BMP7: variants seen among roughly 807,000 people sequenced by gnomAD.
BMP7 encodes the protein osteogenic protein 1.
Under a neutral mutation model 41.2 loss-of-function variants are expected in BMP7, and 12 were observed. The observed-to-expected ratio is 0.29, with a 90% CI of 0.19 to 0.47. BMP7 has a LOEUF of 0.47. Ranked by LOEUF, BMP7 falls within the 20% of genes least tolerant of loss-of-function variation. BMP7 has a pLI of 0.99. For synonymous variants in BMP7, 248 were observed against 250.0 expected (o/e 0.99, Z 0.07); for missense variants, 467 against 606.0 (o/e 0.77, Z 2.41).
At position 57,261,634 on chromosome 20, in the gene BMP7, AAAG is replaced by A. The variant is rs1266484886; in HGVS notation, c.418+4068_418+4070del. Among the ~76,000 whole-genome samples the A allele has an allele frequency of 2.0e-5, 3 of 152,338 alleles. No homozygotes were observed. Among genetic ancestry groups the A allele is most frequent in the South Asian group, 2.1e-4 (1 of 4,826 alleles). On this transcript the variant is annotated intron_variant, in intron 1 of 6. Transcript: ENST00000395863. This position sits in a 1 kb window ranked among gnomAD's most constrained non-coding sequence, Gnocchi z 4.1. ...TATAGCAAAGGCGCTCTGCAGAAAG[AAAG>A]AAGGGGGGAGCTGTGTGACATCTAT...
chr20:57,177,505 GC>G (rs1983957628), intron 4 of BMP7, among the ~76,000 whole-genome samples: 1 of 152,038 alleles, frequency 6.6e-6, no homozygotes, highest in East Asian at 1.9e-4. Flanking sequence ...TCATCACCAT[GC>G]CCAGCTAATT....
chr20:57,257,837 A>AC (rs951221862), intron 1 of BMP7, among the ~76,000 whole-genome samples: 12 of 152,082 alleles, frequency 7.9e-5, no homozygotes, highest in African/African-American at 2.9e-4. Flanking sequence ...AAAAAAAAAA[A>AC]AAAAAAAACT....
chr20:57,234,260 A>G (rs2066039675), intron 1 of BMP7, among the ~76,000 whole-genome samples: 1 of 152,038 alleles, frequency 6.6e-6, no homozygotes, highest in African/African-American at 2.4e-5. Flanking sequence ...TTTTATTTTT[A>G]TTGGAACCTG....
intron 1 of BMP7, among the ~76,000 whole-genome samples, chr20:57,263,981 C>T (rs911548366): frequency 1.2e-4 from 18 of 152,170 alleles, no homozygotes; most frequent in African/African-American, 4.1e-4. Context: ...ATGCAGCCCA[C>T]TCATCTGCAC....
intron 2 of BMP7, among the ~76,000 whole-genome samples, chr20:57,223,104 C>T (rs116556557): frequency 0.014 from 2,173 of 152,124 alleles, 43 homozygotes; most frequent in African/African-American, 0.05. Context: ...GTGGTACATA[C>T]TTGTAATCCC....
intron 1 of BMP7, among the ~76,000 whole-genome samples, chr20:57,264,476 G>T (rs767770097): frequency 6.6e-6 from 1 of 152,222 alleles, no homozygotes; most frequent in African/African-American, 2.4e-5. Flanking sequence ...GGCGCTGCCG[G>T]GGGGTTAGTT....
chr20:57,265,032 A>AG lies in BMP7; in HGVS notation c.418+672_418+673insC, dbSNP rs2066169659. 3.5e-5 allele frequency among the ~76,000 whole-genome samples: 3 copies of AG among 86,640 alleles called. No homozygotes were observed. In the South Asian group the frequency reaches 9.1e-4, roughly 26 times the overall value. 56.8% of individuals were successfully genotyped at this position (86,640 alleles called of 152,430 possible). On this transcript the variant is annotated intron_variant, in intron 1 of 6. Coordinates refer to ENST00000395863, the MANE Select transcript of BMP7 (RefSeq NM_001719.3). ...GGCGACAAGAGTGAAACTCCGTCTC[A>AG]AAAAAAAAAAAAAAGAAAAGAAAAG...
intron 3 of BMP7, among the ~76,000 whole-genome samples, chr20:57,193,083 G>A (rs1399954278): frequency 6.6e-6 from 1 of 152,072 alleles, no homozygotes; most frequent in African/African-American, 2.4e-5. Context: ...GTCTCTCTGT[G>A]GTGTGTTTTG....
At chr20:57,194,658 T>C (rs112969389) in intron 3 of BMP7, among the ~76,000 whole-genome samples, 3,891 of 152,256 alleles carry the variant, frequency 0.026, 86 homozygotes, top group Non-Finnish European at 0.038. Context: ...TCAACAAAAA[T>C]GAAAACCCAC....
At chr20:57,182,245 T>TGTGG (rs1450733623) in intron 4 of BMP7, among the ~76,000 whole-genome samples, 1 of 152,070 alleles carries the variant, frequency 6.6e-6, no homozygotes, top group African/African-American at 2.4e-5. Flanking sequence ...AGGCAAGGGG[T>TGTGG]GTGGGAGGGC....
Position 57,214,212 on chromosome 20 carries a change from G to A in BMP7, c.612-11589C>T, listed in dbSNP as rs141869037. ...CCCCAGAGCCTTGTTCCAGCAAAGT[G>A]TCACCCCTGCACGGTGATGGTTTGA... On this transcript the variant is annotated intron_variant, in intron 2 of 6. Coordinates refer to ENST00000395863, the MANE Select transcript of BMP7 (RefSeq NM_001719.3). This position sits in a 1 kb window ranked among gnomAD's most constrained non-coding sequence, Gnocchi z 4.0. 2.0e-5 allele frequency among the ~76,000 whole-genome samples: 3 copies of A among 152,234 alleles called. No homozygotes were observed. The East Asian group carries it at 5.8e-4, about 29-fold the overall frequency.
intron 1 of BMP7, among the ~76,000 whole-genome samples, chr20:57,262,761 T>C (rs1237231503): frequency 3.3e-5 from 5 of 152,082 alleles, no homozygotes; most frequent in South Asian, 2.1e-4. Flanking sequence ...TAAGAAGTAA[T>C]AGTTTGATAT....
chr20:57,245,386 C>T (rs1433233695), intron 1 of BMP7, among the ~76,000 whole-genome samples: 1 of 152,062 alleles, frequency 6.6e-6, no homozygotes, highest in Non-Finnish European at 1.5e-5. Flanking sequence ...CACTCTGTCA[C>T]TCCCAACTGG....
rs568568662 is a variant in BMP7, at chr20:57,204,332, A to G, written c.612-1709T>C. Among the ~76,000 whole-genome samples the G allele has an allele frequency of 3.2e-4, 49 of 151,946 alleles. 2 individuals are homozygous for G. The highest frequency in any genetic ancestry group is 1.0e-3 in the Admixed American group (16 of 15,254). Reference sequence around the variant, plus strand: ...TTTATCTTCCTGTCTGACCTGGACAACTCTAGGTTTGTGAGGTCTGCTAGA... The same window carrying G: ...TTTATCTTCCTGTCTGACCTGGACAGCTCTAGGTTTGTGAGGTCTGCTAGA... On this transcript the variant is annotated intron_variant, in intron 2 of 6. Transcript: ENST00000395863.
intron 3 of BMP7, among the ~76,000 whole-genome samples, chr20:57,197,302 G>A (rs930834465): frequency 4.6e-5 from 7 of 151,972 alleles, no homozygotes; most frequent in African/African-American, 1.7e-4. Context: ...CCTGCAAGAA[G>A]CCTACTGTCT....
chr20:57,235,475 CA>C (rs1370459607), intron 1 of BMP7, among the ~76,000 whole-genome samples: 1 of 152,108 alleles, frequency 6.6e-6, no homozygotes, highest in African/African-American at 2.4e-5. Context: ...GGTATGAGGC[CA>C]AAGGAGACAC....
At chr20:57,230,923 T>C (rs463386) in intron 1 of BMP7, among the ~76,000 whole-genome samples, 87,420 of 151,640 alleles carry the variant, frequency 0.58, 25,305 homozygotes, top group Middle Eastern at 0.61. Flanking sequence ...GTGATCCACC[T>C]GCCTCGGCCT....
chr20:57,213,732 G>T lies in BMP7; in HGVS notation c.612-11109C>A, dbSNP rs1452015406. Among the ~76,000 whole-genome samples the T allele has an allele frequency of 6.6e-6, 1 of 152,224 alleles. No homozygotes were observed. Among genetic ancestry groups the T allele is most frequent in the African/African-American group, 2.4e-5 (1 of 41,464 alleles). On this transcript the variant is annotated intron_variant, in intron 2 of 6. Transcript: ENST00000395863. The surrounding 1 kb of genome is among the most constrained non-coding windows in gnomAD (Gnocchi z 4.4). ...CCCAGAGTGGTCCTCGGGTCCCACA[G>T]TGGGTGCTCAGGGATGTAGGCTGTA...
chr20:57,236,763 T>TAAA (rs36018016), intron 1 of BMP7, among the ~76,000 whole-genome samples: 3 of 141,958 alleles, frequency 2.1e-5, no homozygotes, highest in Admixed American at 6.9e-5. Flanking sequence ...CAGCCATGCA[T>TAAA]AAAAAAAAAA....
Sources: allele counts gnomAD v4.1 joint callset (sites outside exome capture counted in the v4.1 genomes callset), GRCh38; gene constraint gnomAD v4.1.1; non-coding constraint Gnocchi (gnomAD v3.1); transcripts MANE v1.5; gene names NCBI Gene and HGNC (gene_info 2026-07-23, HGNC 2026-07-21).